ZDHHC2: variants seen among roughly 807,000 people sequenced by gnomAD.
ZDHHC2 encodes the protein zDHHC palmitoyltransferase 2, also known as palmitoyltransferase ZDHHC2.
A neutral mutation model predicts 55.6 loss-of-function variants in ZDHHC2; 51 were observed. The observed-to-expected ratio is 0.92, with a 90% confidence interval of 0.73 to 1.16. The LOEUF is 1.16. Among genes scored for constraint, ZDHHC2 ranks in the 50% most tolerant of loss-of-function variants. The pLI, the probability that ZDHHC2 is intolerant of heterozygous loss-of-function variation, is 0.00. For synonymous variants in ZDHHC2, 199 were observed against 152.9 expected, an observed-to-expected ratio of 1.30 and a Z score of -2.22; for missense variants, 491 against 442.4, an observed-to-expected ratio of 1.11 and a Z score of -0.99.
intron 12 of ZDHHC2, 106 bp from the exon 13 acceptor site, chr8:17,220,150 C>G (rs1269922861): frequency 6.6e-6 from 1 of 152,072 alleles, no homozygotes; most frequent in East Asian, 1.9e-4. Context: ...GCATAGTAAA[C>G]AGTTTTGAAT....
chr8:17,202,705 A>G (rs1319779956), intron 6 of ZDHHC2, among the ~76,000 whole-genome samples: 1 of 144,686 alleles, frequency 6.9e-6, no homozygotes. Flanking sequence ...AATAAATGTC[A>G]CTATATTTCT....
At chr8:17,184,394 G>A (rs535336447) in intron 1 of ZDHHC2, among the ~76,000 whole-genome samples, 32 of 152,360 alleles carry the variant, frequency 2.1e-4, no homozygotes, top group Admixed American at 5.2e-4. Context: ...TCACCAGGTG[G>A]TTGCCAGTTT....
intron 7 of ZDHHC2, among the ~76,000 whole-genome samples, chr8:17,207,152 G>A (rs1040980750): frequency 6.6e-6 from 1 of 152,202 alleles, no homozygotes; most frequent in Non-Finnish European, 1.5e-5. Flanking sequence ...GAGGTCTTGT[G>A]ACCGGTGTCA....
intron 1 of ZDHHC2, among the ~76,000 whole-genome samples, chr8:17,160,147 G>T (rs1250755546): frequency 6.6e-6 from 1 of 152,134 alleles, no homozygotes; most frequent in East Asian, 1.9e-4. Context: ...TGTTGAAGAA[G>T]GTTCACTGAA....
At chr8:17,210,613 A>G (rs1480850164) in intron 10 of ZDHHC2, 133 bp downstream of exon 10, 1 of 687,466 alleles carries the variant, frequency 1.5e-6, no homozygotes, top group Non-Finnish European at 2.3e-6. Context: ...ACTTGAAATG[A>G]GGGAAAAAAG....
intron 3 of ZDHHC2, among the ~76,000 whole-genome samples, chr8:17,190,285 T>C (rs1364952884): frequency 5.9e-5 from 9 of 151,960 alleles, no homozygotes; most frequent in Middle Eastern, 6.8e-3. Flanking sequence ...AAAGAATATA[T>C]ACCAATAAAT....
At chr8:17,188,762 T>A (rs1678098151) in intron 3 of ZDHHC2, among the ~76,000 whole-genome samples, 1 of 152,194 alleles carries the variant, frequency 6.6e-6, no homozygotes, top group Non-Finnish European at 1.5e-5. Context: ...CAGCTCCCTA[T>A]TTGACATCTA....
chr8:17,186,401 A>G lies in ZDHHC2; in HGVS notation c.228A>G (p.Thr76=), dbSNP rs370182510. 4.7e-5 allele frequency: 74 copies of G among 1,574,030 alleles called. No homozygotes were observed. In the African/African-American group the frequency reaches 9.3e-4, roughly 20 times the overall value. The change falls in exon 3 of 13, where the codon ACA becomes ACG. Residue 76 remains threonine (T), a synonymous_variant. Coordinates refer to ENST00000262096, the MANE Select transcript of ZDHHC2 (RefSeq NM_016353.5). ...GGTCATACTGGAAAACTATCTTTAC[A>G]TTACCAATGAATCCTTCAAAAGAAG... The part of the protein sequence containing the change: ...FVWSYWKTIF[T]LPMNPSKEFH...
chr8:17,187,735 C>T (rs1039581420), intron 3 of ZDHHC2, among the ~76,000 whole-genome samples: 1 of 152,054 alleles, frequency 6.6e-6, no homozygotes, highest in Non-Finnish European at 1.5e-5. Context: ...CATAGGTAGT[C>T]TCATCCACTC....
chr8:17,179,069 G>C (rs898333831), intron 1 of ZDHHC2, among the ~76,000 whole-genome samples: 1 of 152,150 alleles, frequency 6.6e-6, no homozygotes, highest in African/African-American at 2.4e-5. Flanking sequence ...TCCCACCTCA[G>C]CCTCCCGAGT....
At chr8:17,218,097 CA>C (rs1227247608) in intron 12 of ZDHHC2, among the ~76,000 whole-genome samples, 1 of 152,110 alleles carries the variant, frequency 6.6e-6, no homozygotes, top group Non-Finnish European at 1.5e-5. Context: ...GTATTGTCAG[CA>C]AAATGCTGAC....
intron 5 of ZDHHC2, among the ~76,000 whole-genome samples, chr8:17,197,922 C>G (rs1806406500): frequency 6.6e-6 from 1 of 152,146 alleles, no homozygotes; most frequent in African/African-American, 2.4e-5. Flanking sequence ...GGAAATACTT[C>G]TATGAGTGTT....
intron 6 of ZDHHC2, among the ~76,000 whole-genome samples, chr8:17,199,533 TGTCTTC>T (rs373266905): frequency 3.2e-5 from 1 of 31,258 alleles, no homozygotes; most frequent in Non-Finnish European, 7.6e-5. Context: ...CTTCGTCTTC[TGTCTTC>T]GTCTTCTGTC....
intron 1 of ZDHHC2, among the ~76,000 whole-genome samples, chr8:17,168,887 A>G (rs1161220095): frequency 1.3e-5 from 2 of 152,174 alleles, no homozygotes; most frequent in Non-Finnish European, 2.9e-5. Flanking sequence ...CAAAGGCTGA[A>G]TAATATTTCG....
intron 1 of ZDHHC2, among the ~76,000 whole-genome samples, chr8:17,162,266 CA>C (rs1723572074): frequency 6.6e-6 from 1 of 152,174 alleles, no homozygotes; most frequent in Non-Finnish European, 1.5e-5. Flanking sequence ...TACAAATGCG[CA>C]ATAAATGTTG....
intron 1 of ZDHHC2, among the ~76,000 whole-genome samples, chr8:17,166,135 A>G (rs1467364810): frequency 1.3e-5 from 2 of 152,226 alleles, no homozygotes; most frequent in African/African-American, 4.8e-5. Flanking sequence ...GAGGTGATGC[A>G]CTGCGACTTA....
chr8:17,183,955 G>A (rs1442713801), intron 1 of ZDHHC2, among the ~76,000 whole-genome samples: 1 of 152,074 alleles, frequency 6.6e-6, no homozygotes, highest in African/African-American at 2.4e-5. Context: ...AGAAGGCAGC[G>A]CATTTCATTC....
At chr8:17,173,146 C>A (rs1804948713) in intron 1 of ZDHHC2, among the ~76,000 whole-genome samples, 1 of 152,154 alleles carries the variant, frequency 6.6e-6, no homozygotes, top group African/African-American at 2.4e-5. Flanking sequence ...AAGAGAACGG[C>A]TGCCCAGGAC....
intron 1 of ZDHHC2, among the ~76,000 whole-genome samples, chr8:17,158,634 T>G (rs186670299): frequency 6.6e-6 from 1 of 152,372 alleles, no homozygotes; most frequent in African/African-American, 2.4e-5. Flanking sequence ...ATATGTACTT[T>G]CTGTAAGTTT....
Sources: gnomAD v4.1 joint callset for allele counts (sites outside exome capture counted in the v4.1 genomes callset) on GRCh38, gnomAD v4.1.1 for gene constraint, MANE v1.5 for transcripts, NCBI Gene and HGNC (gene_info 2026-07-23, HGNC 2026-07-21) for gene names.